Variants in TSACC observed in about 807,000 individuals in gnomAD.
TSACC encodes TSSK6 activating cochaperone.
A neutral mutation model predicts 6.9 loss-of-function variants in TSACC; 3 were observed. The ratio of observed to expected loss-of-function variants is 0.43; its 90% confidence interval spans 0.20 to 1.12. TSACC has a LOEUF of 1.12. TSACC is among the 50% of genes most tolerant of loss of function. TSACC has a pLI of 0.28. For missense variants in TSACC, 137 were observed against 143.9 expected (o/e 0.95, Z 0.24); for synonymous variants, 54 against 55.1 (o/e 0.98, Z 0.09).
At chr1:156,338,308 T>G (rs1038055612), upstream of TSACC, 1 of 912,440 alleles carries the variant, frequency 1.1e-6, no homozygotes, top group Non-Finnish European at 1.7e-6. Context: ...AACCCGCTAC[T>G]CTCAAGGTAG....
intron 3 of TSACC, 47 bp from the exon 4 acceptor site, chr1:156,346,721 T>G (rs1666203910): frequency 6.3e-7 from 1 of 1,585,026 alleles, no homozygotes; most frequent in Non-Finnish European, 8.7e-7. Flanking sequence ...AATTACCAAA[T>G]CTCTCTCCTT....
Position 156,346,896 on chromosome 1 carries a change from G to T in TSACC, c.292G>T (p.Ala98Ser). 6.2e-7 allele frequency: 1 copy of T among 1,614,130 alleles called. No individual in the cohort carries two copies. Among genetic ancestry groups the T allele is most frequent in the Non-Finnish European group, 8.5e-7 (1 of 1,180,036 alleles). The part of the protein sequence containing the change: ...EHLQASVTQL[A>S]PGRGSNNSSL... ...TTTACAGGCATCTGTGACACAACTG[G>T]CTCCTGGGAGGGGAAGCAATAACTC... The change falls in exon 4 of 4, where the codon GCT (alanine) becomes TCT (serine). Residue 98 changes from alanine (A) to serine (S), a missense_variant. Transcript: ENST00000368254.
intron 2 of TSACC, among the ~76,000 whole-genome samples, chr1:156,340,236 GCAAGCTCCGTCTC>G (rs1665789167): frequency 6.6e-6 from 1 of 152,200 alleles, no homozygotes; most frequent in Non-Finnish European, 1.5e-5. Flanking sequence ...TCTGCTCACT[GCAAGCTCCGTCTC>G]CTGGGTTCAC....
intron 2 of TSACC, 52 bp from the exon 3 acceptor site, chr1:156,344,528 G>C: frequency 6.3e-7 from 1 of 1,594,096 alleles, no homozygotes; most frequent in South Asian, 1.1e-5. Flanking sequence ...GATCTAATTA[G>C]AAAGGCTGTC....
intron 2 of TSACC, among the ~76,000 whole-genome samples, chr1:156,343,275 G>T (rs987273656): frequency 6.6e-6 from 1 of 152,144 alleles, no homozygotes; most frequent in African/African-American, 2.4e-5. Flanking sequence ...GGCAATTCAG[G>T]GACTTGTGCA....
chr1:156,343,458 A>G (rs886605541), intron 2 of TSACC, among the ~76,000 whole-genome samples: 3 of 152,148 alleles, frequency 2.0e-5, no homozygotes, highest in African/African-American at 7.2e-5. Context: ...TTCTCATGAT[A>G]TGCTAGCCAA....
In TSACC at chr1:156,339,691, C is replaced by A. The variant is rs959296246; in HGVS notation, c.-67C>A. ...TTAGGAAATTATCATAGTGAAAATACTAACATGGATTGTTGATCATCTGAT... is the reference window on the plus strand; with the variant it reads ...TTAGGAAATTATCATAGTGAAAATAATAACATGGATTGTTGATCATCTGAT... On this transcript the variant is annotated 5_prime_UTR_variant, in exon 2 of 4. Transcript: ENST00000368254. 6.3e-6 allele frequency: 10 copies of A among 1,597,800 alleles called. No individual in the cohort carries two copies. The African/African-American group carries it at 1.2e-4, about 19-fold the overall frequency.
chr1:156,341,931 G>A (rs1665911770), intron 2 of TSACC, among the ~76,000 whole-genome samples: 1 of 151,840 alleles, frequency 6.6e-6, no homozygotes, highest in Admixed American at 6.6e-5. Context: ...GCATTGTAGT[G>A]GGCACCTGTA....
At position 156,344,727 on chromosome 1, in the gene TSACC, T is replaced by TTTTCTAATG; in HGVS notation, c.163+20_163+28dup. 6.2e-7 allele frequency: 1 copy of TTTTCTAATG among 1,610,686 alleles called. No individual in the cohort carries two copies. Among genetic ancestry groups the TTTTCTAATG allele is most frequent in the Non-Finnish European group, 8.5e-7 (1 of 1,178,680 alleles). On this transcript the variant is annotated intron_variant, in intron 3 of 3. Transcript: ENST00000368254. ...CCCTCGGGTAAGGATGTAGGGAGGG[T>TTTTCTAATG]TTTCTAATGGACTCAACAGGGGGAA...
At position 156,343,734 on chromosome 1, in the gene TSACC, TG is replaced by T. The variant is rs370909484; in HGVS notation, c.35-845del. Among the ~76,000 whole-genome samples, 97 of 151,922 alleles carry T rather than the reference TG, an allele frequency of 6.4e-4. 1 individual carries two copies. The highest frequency in any genetic ancestry group is 2.1e-3 in the African/African-American group (88 of 41,450). ...GTATAGCCTGGCTTCTCAAGTTTTT[TG>T]TTGTTGTTGTTTCATTTTTTTTGAG... On this transcript the variant is annotated intron_variant, in intron 2 of 3. Coordinates refer to ENST00000368254, the MANE Select transcript of TSACC (RefSeq NM_001304817.2).
rs753357412 is a variant in TSACC, at chr1:156,339,742, A to G, written c.-16A>G. Reference sequence around the variant, plus strand: ...GCTATGATTCTTTCCCAGGCACCACACCTGTTGGTGTTCAGATGGAGCGGC... The same window carrying G: ...GCTATGATTCTTTCCCAGGCACCACGCCTGTTGGTGTTCAGATGGAGCGGC... On this transcript the variant is annotated 5_prime_UTR_variant, in exon 2 of 4. Coordinates refer to ENST00000368254, the MANE Select transcript of TSACC (RefSeq NM_001304817.2). The G allele has an allele frequency of 1.2e-6, 2 of 1,614,034 alleles. No homozygotes were observed. The highest frequency in any genetic ancestry group is 2.2e-5 in the South Asian group (2 of 91,064).
At position 156,339,710 on chromosome 1, in the gene TSACC, A is replaced by G. The variant is rs773432695; in HGVS notation, c.-48A>G. ...AAAATACTAACATGGATTGTTGATC[A>G]TCTGATGCTATGATTCTTTCCCAGG... On this transcript the variant is annotated 5_prime_UTR_variant, in exon 2 of 4. Transcript: ENST00000368254. The G allele has an allele frequency of 1.9e-6, 3 of 1,612,052 alleles. No individual in the cohort carries two copies. Among genetic ancestry groups the G allele is most frequent in the Admixed American group, 1.7e-5 (1 of 59,870 alleles).
Position 156,339,623 on chromosome 1 carries a change from T to C in TSACC, c.-124-11T>C. The stretch of plus-strand genomic sequence containing the variant: ...GCCATGAAATAGAGTTTCCTACTTT[T>C]TCCTCTGCAGATTGGAACAGGCTGA... On this transcript the variant is annotated splice_polypyrimidine_tract_variant and intron_variant, in intron 1 of 3. Coordinates refer to ENST00000368254, the MANE Select transcript of TSACC (RefSeq NM_001304817.2). The C allele has an allele frequency of 1.8e-6, 2 of 1,096,410 alleles. No homozygotes were observed. Among genetic ancestry groups the C allele is most frequent in the Non-Finnish European group, 2.6e-6 (2 of 760,604 alleles). 67.9% of individuals were successfully genotyped at this position (1,096,410 alleles called of 1,614,324 possible).
chr1:156,338,433 A>G (rs1000712347), upstream of TSACC: 6 of 575,444 alleles, frequency 1.0e-5, no homozygotes, highest in African/African-American at 7.5e-5. Flanking sequence ...GCGCACGACG[A>G]AGGCACTGGG....
chr1:156,346,162 C>G (rs1478864794), intron 3 of TSACC, among the ~76,000 whole-genome samples: 2 of 142,068 alleles, frequency 1.4e-5, no homozygotes, highest in African/African-American at 5.3e-5. Context: ...CCATTGTACT[C>G]TAGCCTGGGT....
upstream of TSACC, chr1:156,338,204 G>C (rs1469682965): frequency 6.3e-7 from 1 of 1,583,678 alleles, no homozygotes. Flanking sequence ...ATGCAGAGCC[G>C]GGTACCCAGA....
chr1:156,342,074 AAAAAG>A, intron 2 of TSACC, among the ~76,000 whole-genome samples: 1 of 151,560 alleles, frequency 6.6e-6, no homozygotes, highest in African/African-American at 2.4e-5. Flanking sequence ...AAAAAAAAAA[AAAAAG>A]AAAGAAAAAA....
chr1:156,337,874 T>G (rs1570943272), upstream of TSACC: 2 of 476,434 alleles, frequency 4.2e-6, no homozygotes, highest in South Asian at 3.4e-5. Context: ...GGGGGAAGCG[T>G]GGGGGCTGAG....
intron 1 of TSACC, among the ~76,000 whole-genome samples, chr1:156,339,139 C>A (rs1216275277): frequency 2.0e-5 from 3 of 152,086 alleles, no homozygotes; most frequent in Non-Finnish European, 4.4e-5. Context: ...TGGCGCGCGC[C>A]TGTAATCCCA....
Sources: allele counts gnomAD v4.1 joint callset (sites outside exome capture counted in the v4.1 genomes callset), GRCh38; gene constraint gnomAD v4.1.1; transcripts MANE v1.5; gene names NCBI Gene and HGNC (gene_info 2026-07-23, HGNC 2026-07-21).